The following SH2D1B variants were observed in gnomAD, a reference collection of about 807,000 sequenced individuals.
The protein encoded by SH2D1B is SH2 domain-containing protein 1B.
In SH2D1B, 11 loss-of-function variants were observed where a neutral mutation model predicts 16.3. The observed-to-expected ratio is 0.67, with a 90% CI of 0.42 to 1.11. SH2D1B has a LOEUF of 1.11. Among genes scored for constraint, SH2D1B ranks in the 50% most tolerant of loss-of-function variants. The pLI, the probability that SH2D1B is intolerant of heterozygous loss-of-function variation, is 0.00. For synonymous variants in SH2D1B, 55 were observed against 56.1 expected, an observed-to-expected ratio of 0.98 and a Z score of 0.09; for missense variants, 123 against 153.1, an observed-to-expected ratio of 0.80 and a Z score of 1.04.
chr1:162,402,777 G>A lies in SH2D1B; in HGVS notation c.160C>T (p.Arg54Ter). ...TACCCGTGTTTCTCTCTGAAGATTC[G>A]GTATGTGTAGACAATATTTTTAAAC... ...VSFKNIVYTY[R>*]IFREKHGYYR... The change falls in exon 2 of 4, where the codon CGA becomes TGA. Residue 54 changes from arginine (R) to a stop codon, truncating the protein, a stop_gained. Transcript: ENST00000367929. LOFTEE classifies it high-confidence loss of function. 7 of 1,613,562 alleles carry A rather than the reference G, an allele frequency of 4.3e-6. No individual in the cohort carries two copies. The highest frequency in any genetic ancestry group is 5.9e-6 in the Non-Finnish European group (7 of 1,179,690).
chr1:162,397,668 G>C (rs2101856683), intron 3 of SH2D1B, among the ~76,000 whole-genome samples: 1 of 152,314 alleles, frequency 6.6e-6, no homozygotes, highest in East Asian at 1.9e-4. Context: ...GAGAATTTTG[G>C]AGCCTGCTGT....
rs1208126662 is a variant in SH2D1B at position 162,395,278 on chromosome 1, TCAA to T, written c.*1999_*2001del. 1 of 152,134 alleles carries T rather than the reference TCAA, an allele frequency of 6.6e-6. No homozygotes were observed. The highest frequency in any genetic ancestry group is 6.5e-5 in the Admixed American group (1 of 15,274). The allele number at this position is 152,134 out of a possible 1,614,324, so 9.4% of individuals were successfully genotyped here. A position where few individuals can be genotyped will look rare whatever the true frequency, so the allele number is the denominator to read the frequency against. On this transcript the variant is annotated 3_prime_UTR_variant, in exon 4 of 4. Transcript: ENST00000367929. ...GAAGCAATGCAAGGATGAAATGATA[TCAA>T]CAATTTTATTAAGGTAACTTACCTT...
At chr1:162,411,002 C>G (rs1238046952) in intron 1 of SH2D1B, among the ~76,000 whole-genome samples, 1 of 151,750 alleles carries the variant, frequency 6.6e-6, no homozygotes, top group Non-Finnish European at 1.5e-5. Flanking sequence ...ATTGCCCAGG[C>G]TGGAGTGCAG....
intron 1 of SH2D1B, among the ~76,000 whole-genome samples, chr1:162,410,075 AC>A (rs1247648408): frequency 6.6e-6 from 1 of 152,052 alleles, no homozygotes; most frequent in South Asian, 2.1e-4. Context: ...TTAGCAAAGA[AC>A]CCTACTAAGT....
chr1:162,410,662 T>C (rs572100367), intron 1 of SH2D1B, among the ~76,000 whole-genome samples: 6 of 150,474 alleles, frequency 4.0e-5, no homozygotes, highest in East Asian at 1.9e-4. Context: ...TTTTCTTTTT[T>C]TTTTTTTTTT....
chr1:162,409,107 T>TA (rs67639233), intron 1 of SH2D1B, among the ~76,000 whole-genome samples: 53 of 141,590 alleles, frequency 3.7e-4, no homozygotes, highest in African/African-American at 9.1e-4. Context: ...AGACCCTGTC[T>TA]AAAAAAAAAA....
intron 3 of SH2D1B, among the ~76,000 whole-genome samples, chr1:162,398,412 G>A (rs1420636282): frequency 6.6e-6 from 1 of 152,174 alleles, no homozygotes; most frequent in Non-Finnish European, 1.5e-5. Flanking sequence ...TAATTTGAGA[G>A]GCTTAGGCAG....
At position 162,395,785 on chromosome 1, in the gene SH2D1B, A is replaced by G. The variant is rs554135360; in HGVS notation, c.*1495T>C. ...TAGGAATTAATCTAACAGAATATAC[A>G]AGACTTCAGTTGGGAAAATTTATGA... On this transcript the variant is annotated 3_prime_UTR_variant, in exon 4 of 4. Coordinates refer to ENST00000367929, the MANE Select transcript of SH2D1B (RefSeq NM_053282.5). The G allele has an allele frequency of 1.2e-4, 19 of 152,342 alleles. No individual in the cohort carries two copies. Among genetic ancestry groups the G allele is most frequent in the Middle Eastern group, 3.4e-3 (1 of 294 alleles). The allele number at this position is 152,342 out of a possible 1,614,324, so 9.4% of individuals were successfully genotyped here.
chr1:162,399,125 G>C (rs766760011), intron 2 of SH2D1B, 38 bp from the exon 3 acceptor site: 4 of 1,570,786 alleles, frequency 2.5e-6, no homozygotes, highest in Non-Finnish European at 3.5e-6. Context: ...TCATTATCAT[G>C]CAATTGCGTG....
chr1:162,403,358 G>A (rs1359113744), intron 1 of SH2D1B, among the ~76,000 whole-genome samples: 3 of 150,096 alleles, frequency 2.0e-5, no homozygotes, highest in African/African-American at 7.3e-5. Context: ...GTGTGGTGGC[G>A]TATGCCTGTA....
At chr1:162,399,407 T>C (rs528614623) in intron 2 of SH2D1B, among the ~76,000 whole-genome samples, 2 of 152,346 alleles carry the variant, frequency 1.3e-5, no homozygotes, top group East Asian at 3.9e-4. Flanking sequence ...CTGTAAGGGC[T>C]TACGTCTGTA....
At chr1:162,403,097 A>G (rs1648561971) in intron 1 of SH2D1B, among the ~76,000 whole-genome samples, 1 of 152,078 alleles carries the variant, frequency 6.6e-6, no homozygotes, top group Non-Finnish European at 1.5e-5. Context: ...CAAAAAAGAC[A>G]AAGGATATAG....
intron 2 of SH2D1B, among the ~76,000 whole-genome samples, chr1:162,400,560 T>C (rs1278839729): frequency 6.7e-6 from 1 of 149,704 alleles, no homozygotes; most frequent in Non-Finnish European, 1.5e-5. Flanking sequence ...TGCCTCAGCC[T>C]CCCAAAGTAC....
At chr1:162,402,924 TC>T (rs200712985) in intron 1 of SH2D1B, 122 bp from the exon 2 acceptor site, 7,985 of 713,186 alleles carry the variant, frequency 0.011, 8 homozygotes, top group Middle Eastern at 0.021. Flanking sequence ...TTTTTTTTTT[TC>T]TGGGACGGAA....
At chr1:162,410,584 T>C (rs1034504252) in intron 1 of SH2D1B, among the ~76,000 whole-genome samples, 1 of 152,158 alleles carries the variant, frequency 6.6e-6, no homozygotes, top group African/African-American at 2.4e-5. Context: ...GATTGCTTTC[T>C]AAACTGGGCA....
intron 1 of SH2D1B, among the ~76,000 whole-genome samples, chr1:162,403,978 T>C (rs1390125431): frequency 1.3e-5 from 2 of 152,096 alleles, no homozygotes; most frequent in Non-Finnish European, 2.9e-5. Flanking sequence ...GGTCAAAGGA[T>C]ACAAAATTTC....
chr1:162,397,767 T>A (rs1429246644), intron 3 of SH2D1B, among the ~76,000 whole-genome samples: 1 of 152,204 alleles, frequency 6.6e-6, no homozygotes, highest in Non-Finnish European at 1.5e-5. Context: ...CTCCTGGGAT[T>A]TATGATTCTT....
chr1:162,400,835 G>A (rs1003144751), intron 2 of SH2D1B, among the ~76,000 whole-genome samples: 5 of 151,986 alleles, frequency 3.3e-5, no homozygotes, highest in African/African-American at 1.2e-4. Context: ...TGTAATCCCA[G>A]CTACTCGGGA....
At chr1:162,398,279 G>T (rs541660270) in intron 3 of SH2D1B, among the ~76,000 whole-genome samples, 1 of 152,244 alleles carries the variant, frequency 6.6e-6, no homozygotes, top group African/African-American at 2.4e-5. Context: ...GGGAAAACAG[G>T]ATTAAGACCT....
Sources: gnomAD v4.1 joint callset for allele counts (sites outside exome capture counted in the v4.1 genomes callset) on GRCh38, gnomAD v4.1.1 for gene constraint, MANE v1.5 for transcripts, NCBI Gene and HGNC (gene_info 2026-07-23, HGNC 2026-07-21) for gene names.